NUCB2: variants seen among roughly 807,000 people sequenced by gnomAD.
NUCB2 encodes nucleobindin 2.
NUCB2 carries 48 observed loss-of-function variants against 57.9 expected under a neutral mutation model. The ratio of observed to expected loss-of-function variants is 0.83; its 90% confidence interval spans 0.66 to 1.05. The LOEUF (loss-of-function observed/expected upper bound fraction) is 1.05, where lower values mean the gene tolerates loss of function less well. NUCB2 is among the 50% of genes least tolerant of loss of function. NUCB2 has a pLI of 0.00. For missense variants in NUCB2, 442 were observed against 476.2 expected (o/e 0.93, Z 0.67); for synonymous variants, 139 against 152.1 (o/e 0.91, Z 0.64).
rs1396494453 is a variant in NUCB2 at position 17,296,986 on chromosome 11, C to T, written c.252+775C>T. 4.6e-5 allele frequency among the ~76,000 whole-genome samples: 7 copies of T among 151,978 alleles called. No homozygotes were observed. In the East Asian group the frequency reaches 1.4e-3, roughly 29 times the overall value. The stretch of plus-strand genomic sequence containing the variant: ...AACCATTTGACTCTGTCCTGAGAAC[C>T]CTATTTGACATAATTCCAGCCATAG... On this transcript the variant is annotated intron_variant, in intron 4 of 13. Transcript: ENST00000529010.
At position 17,288,882 on chromosome 11, in the gene NUCB2, TACACACACACAC is replaced by T. The variant is rs1167995024; in HGVS notation, c.-1+5997_-1+6008del. The stretch of plus-strand genomic sequence containing the variant: ...TAAAGTCTATTTAATAACATGTATA[TACACACACACAC>T]ACACACACACACACACACACACACA... On this transcript the variant is annotated intron_variant, in intron 2 of 13. Transcript: ENST00000529010. Among the ~76,000 whole-genome samples the T allele has an allele frequency of 7.7e-3, 344 of 44,654 alleles. 12 individuals carry two copies. Among genetic ancestry groups the T allele is most frequent in the African/African-American group, 0.013 (135 of 10,636 alleles). The allele number at this position is 44,654 out of a possible 152,430, so 29.3% of individuals were successfully genotyped here.
At chr11:17,304,515 TA>T (rs976996100) in intron 5 of NUCB2, among the ~76,000 whole-genome samples, 4 of 151,764 alleles carry the variant, frequency 2.6e-5, no homozygotes, top group African/African-American at 7.3e-5. Flanking sequence ...TTCATACAAA[TA>T]AAAAAAATTT....
chr11:17,343,835 C>T (rs1952492653), intron 2 of NUCB2, among the ~76,000 whole-genome samples: 1 of 152,082 alleles, frequency 6.6e-6, no homozygotes, highest in African/African-American at 2.4e-5. Context: ...TTAGAATTTG[C>T]ATCTTAATTT....
chr11:17,318,654 T>C (rs2139151344), intron 11 of NUCB2, among the ~76,000 whole-genome samples: 1 of 152,150 alleles, frequency 6.6e-6, no homozygotes, highest in East Asian at 1.9e-4. Context: ...TCCAGATATG[T>C]CACAAAGACA....
At chr11:17,340,184 A>G (rs1305501222) in intron 2 of NUCB2, among the ~76,000 whole-genome samples, 1 of 152,074 alleles carries the variant, frequency 6.6e-6, no homozygotes, top group African/African-American at 2.4e-5. Context: ...TCCTTTGCCC[A>G]CTTTTTGATG....
chr11:17,321,730 G>T (rs1306304228), intron 11 of NUCB2, among the ~76,000 whole-genome samples: 5 of 151,870 alleles, frequency 3.3e-5, no homozygotes, highest in African/African-American at 9.7e-5. Flanking sequence ...GTGTACGAGG[G>T]TTCTTTTTTT....
At chr11:17,290,767 A>T (rs989441117) in intron 2 of NUCB2, among the ~76,000 whole-genome samples, 5 of 152,294 alleles carry the variant, frequency 3.3e-5, no homozygotes, top group Admixed American at 2.0e-4. Flanking sequence ...ATCATTGAGA[A>T]CATAGAAAAT....
intron 10 of NUCB2, among the ~76,000 whole-genome samples, chr11:17,313,001 G>A (rs373795326): frequency 2.0e-5 from 3 of 147,788 alleles, no homozygotes; most frequent in East Asian, 2.2e-4. Flanking sequence ...ATGAGCCGCC[G>A]CACCAGGCCG....
intron 5 of NUCB2, 143 bp from the exon 6 acceptor site, chr11:17,309,429 G>A (rs891481318): frequency 1.7e-5 from 9 of 527,130 alleles, no homozygotes. Context: ...TATTCATAAA[G>A]TAAATATAAG....
At chr11:17,348,319 G>GGTTTTTTTT (rs1952917777) in intron 2 of NUCB2, among the ~76,000 whole-genome samples, 1 of 84,450 alleles carries the variant, frequency 1.2e-5, no homozygotes, top group African/African-American at 5.0e-5. Flanking sequence ...TTGTTTTTGT[G>GGTTTTTTTT]TTTTTTTTTT....
intron 1 of NUCB2, chr11:17,337,276 C>A (rs1286563659): frequency 6.6e-6 from 1 of 152,186 alleles, no homozygotes. Context: ...TTAAAAAAAT[C>A]TGTTAACTTA....
chr11:17,307,626 G>GT (rs776166102), intron 5 of NUCB2, among the ~76,000 whole-genome samples: 3 of 150,964 alleles, frequency 2.0e-5, no homozygotes, highest in Non-Finnish European at 3.0e-5. Context: ...TTTATTTTTT[G>GT]TTTTTTTACA....
intron 4 of NUCB2, among the ~76,000 whole-genome samples, chr11:17,296,844 C>T (rs982897498): frequency 7.2e-5 from 11 of 152,132 alleles, no homozygotes; most frequent in African/African-American, 2.7e-4. Context: ...GGGTCATTAT[C>T]TGAGGACAGT....
intron 5 of NUCB2, among the ~76,000 whole-genome samples, chr11:17,304,525 T>C (rs777247701): frequency 7.2e-5 from 11 of 152,082 alleles, no homozygotes; most frequent in Non-Finnish European, 1.0e-4. Context: ...TAAAAAAAAT[T>C]TGGAGGTAAA....
intron 11 of NUCB2, among the ~76,000 whole-genome samples, chr11:17,319,179 C>A (rs1281843904): frequency 6.6e-6 from 1 of 152,094 alleles, no homozygotes; most frequent in Non-Finnish European, 1.5e-5. Context: ...TAATGAAAAA[C>A]TATTCCTTCC....
At chr11:17,313,847 G>A (rs534089851) in intron 10 of NUCB2, among the ~76,000 whole-genome samples, 150 of 152,064 alleles carry the variant, frequency 9.9e-4, no homozygotes, top group African/African-American at 3.4e-3. Context: ...TCCCTTGGCC[G>A]TGTTCTCCTT....
chr11:17,280,749 T>C (rs913679156), intron 1 of NUCB2, among the ~76,000 whole-genome samples: 2 of 152,176 alleles, frequency 1.3e-5, no homozygotes, highest in African/African-American at 4.8e-5. Flanking sequence ...CTTTCAAAAA[T>C]GACTGTAAGA....
Position 17,282,865 on chromosome 11 carries a change from T to C in NUCB2, c.-79T>C, listed in dbSNP as rs1272738670. The C allele has an allele frequency of 6.6e-6, 1 of 152,166 alleles. No homozygotes were observed. Among genetic ancestry groups the C allele is most frequent in the African/African-American group, 2.4e-5 (1 of 41,436 alleles). 9.4% of individuals were successfully genotyped at this position (152,166 alleles called of 1,614,324 possible). ...ACCCATCTCTTCACTATTTTGGTAT[T>C]GTGCAAGTCATCTTACCTCTCTGGA... is the stretch of plus-strand genomic sequence containing the variant. On this transcript the variant is annotated 5_prime_UTR_variant, in exon 2 of 14. Coordinates refer to ENST00000529010, the MANE Select transcript of NUCB2 (RefSeq NM_005013.4).
intron 2 of NUCB2, among the ~76,000 whole-genome samples, chr11:17,345,960 G>T (rs1429527649): frequency 6.6e-6 from 1 of 151,974 alleles, no homozygotes; most frequent in African/African-American, 2.4e-5. Flanking sequence ...AATTCTTCCA[G>T]TGCAATATTT....
Sources: gnomAD v4.1 joint callset for allele counts (sites outside exome capture counted in the v4.1 genomes callset) on GRCh38, gnomAD v4.1.1 for gene constraint, MANE v1.5 for transcripts, NCBI Gene and HGNC (gene_info 2026-07-23, HGNC 2026-07-21) for gene names.